Variants in CIRSR observed in about 807,000 individuals in gnomAD.
CIRSR encodes the protein CBF1 (RBPJ) interacting corepressor 1.
chr2:174,373,796 T>G, the CIRSR span, among the ~76,000 whole-genome samples: 1 of 150,976 alleles, frequency 6.6e-6, no homozygotes, highest in African/African-American at 2.4e-5. Context: ...TTCAACACAT[T>G]ACCACCTTTC....
At chr2:174,350,112 G>T in the CIRSR span, among the ~76,000 whole-genome samples, 1 of 152,142 alleles carries the variant, frequency 6.6e-6, no homozygotes, top group South Asian at 2.1e-4. Context: ...TGTTTATATG[G>T]TATGTTTGAG....
chr2:174,392,651 T>C, the CIRSR span, among the ~76,000 whole-genome samples: 2 of 152,082 alleles, frequency 1.3e-5, no homozygotes, highest in Non-Finnish European at 2.9e-5. Flanking sequence ...AGTGATTGAC[T>C]AGATAAAGGA....
At chr2:174,375,559 A>G in the CIRSR span, among the ~76,000 whole-genome samples, 1 of 152,190 alleles carries the variant, frequency 6.6e-6, no homozygotes, top group African/African-American at 2.4e-5. Context: ...CAGTGAGTTG[A>G]GACCCGTGTC....
the CIRSR span, among the ~76,000 whole-genome samples, chr2:174,355,592 C>A: frequency 5.3e-4 from 81 of 152,054 alleles, no homozygotes; most frequent in African/African-American, 1.9e-3. Context: ...CTGATTAGAC[C>A]CAGGCTCTAC....
the CIRSR span, among the ~76,000 whole-genome samples, chr2:174,393,410 T>A: frequency 2.0e-5 from 3 of 152,152 alleles, no homozygotes; most frequent in African/African-American, 7.2e-5. Context: ...TAAAACCTAC[T>A]GGACTTTTTA....
At chr2:174,353,702 G>A in the CIRSR span, among the ~76,000 whole-genome samples, 2 of 152,108 alleles carry the variant, frequency 1.3e-5, no homozygotes, top group Non-Finnish European at 1.5e-5. Flanking sequence ...TCCTGACCTC[G>A]TGATCTGCCA....
chr2:174,388,016 A>T, the CIRSR span, among the ~76,000 whole-genome samples: 3 of 152,210 alleles, frequency 2.0e-5, no homozygotes, highest in East Asian at 5.8e-4. Flanking sequence ...AGGGCAAAAA[A>T]ATCTCATAAT....
the CIRSR span, among the ~76,000 whole-genome samples, chr2:174,373,563 T>C: frequency 6.6e-6 from 1 of 152,194 alleles, no homozygotes; most frequent in African/African-American, 2.4e-5. Flanking sequence ...CTAATTAACA[T>C]ACTATTTTAA....
At chr2:174,354,583 A>ATATTATATATTT in the CIRSR span, among the ~76,000 whole-genome samples, 14 of 12,716 alleles carry the variant, frequency 1.1e-3, no homozygotes, top group African/African-American at 1.9e-3. Flanking sequence ...ATTATATATT[A>ATATTATATATTT]TATATATCAT....
At chr2:174,352,934 G>A in the CIRSR span, among the ~76,000 whole-genome samples, 1 of 152,084 alleles carries the variant, frequency 6.6e-6, no homozygotes, top group Non-Finnish European at 1.5e-5. Flanking sequence ...CTGCTTTGTT[G>A]GTCTTTTACC....
the CIRSR span, among the ~76,000 whole-genome samples, chr2:174,385,271 C>T: frequency 1.4e-5 from 2 of 143,952 alleles, no homozygotes; most frequent in Non-Finnish European, 3.0e-5. Context: ...AAGTATAAAG[C>T]GACTAAGGTG....
chr2:174,382,032 G>C, the CIRSR span, among the ~76,000 whole-genome samples: 6 of 151,968 alleles, frequency 3.9e-5, no homozygotes, highest in Admixed American at 3.3e-4. Context: ...ACAAAAAAGG[G>C]GAAAAATAAC....
chr2:174,383,097 G>A, the CIRSR span, among the ~76,000 whole-genome samples: 2 of 152,278 alleles, frequency 1.3e-5, no homozygotes, highest in African/African-American at 4.8e-5. Flanking sequence ...ATGCAATACC[G>A]TGGGTCAACT....
At chr2:174,376,702 G>A in the CIRSR span, among the ~76,000 whole-genome samples, 1 of 151,564 alleles carries the variant, frequency 6.6e-6, no homozygotes, top group South Asian at 2.1e-4. Flanking sequence ...GGAGGCTGAG[G>A]CAGGAGAACG....
the CIRSR span, among the ~76,000 whole-genome samples, chr2:174,391,075 G>A: frequency 6.6e-6 from 1 of 152,108 alleles, no homozygotes; most frequent in Non-Finnish European, 1.5e-5. Context: ...TGCATATTGT[G>A]GGACTATACC....
At chr2:174,358,963 G>T in the CIRSR span, among the ~76,000 whole-genome samples, 2 of 152,216 alleles carry the variant, frequency 1.3e-5, no homozygotes, top group East Asian at 3.9e-4. Flanking sequence ...CAAAGTGCTG[G>T]GATTACAGGC....
chr2:174,371,044 CATATT>C, the CIRSR span, among the ~76,000 whole-genome samples: 2 of 152,126 alleles, frequency 1.3e-5, no homozygotes, highest in Admixed American at 6.5e-5. Flanking sequence ...TTCTTTCACT[CATATT>C]ATATGATTCT....
chr2:174,382,362 G>A, the CIRSR span, among the ~76,000 whole-genome samples: 7 of 152,236 alleles, frequency 4.6e-5, no homozygotes, highest in African/African-American at 1.7e-4. Context: ...TCTGCAGCTG[G>A]GCACAGTGGC....
At chr2:174,380,636 T>C in the CIRSR span, 1 of 1,606,436 alleles carries the variant, frequency 6.2e-7, no homozygotes, top group East Asian at 2.2e-5. Flanking sequence ...GTCTTAAAAG[T>C]AAACCAGTCC....
Sources: gnomAD v4.1 joint callset for allele counts (sites outside exome capture counted in the v4.1 genomes callset) on GRCh38, gnomAD v4.1.1 for gene constraint, MANE v1.5 for transcripts, NCBI Gene and HGNC (gene_info 2026-07-23, HGNC 2026-07-21) for gene names.